GABRG3: variants seen among roughly 807,000 people sequenced by gnomAD.
GABRG3 encodes the protein gamma-aminobutyric acid receptor subunit gamma-3.
A neutral mutation model predicts 48.8 loss-of-function variants in GABRG3; 25 were observed. The ratio of observed to expected loss-of-function variants is 0.51; its 90% CI spans 0.37 to 0.72. GABRG3 has a LOEUF of 0.72. Among genes scored for constraint, GABRG3 ranks in the 30% least tolerant of loss-of-function variants. The pLI, the probability that GABRG3 is intolerant of heterozygous loss-of-function variation, is 0.00. For synonymous variants in GABRG3, 227 were observed against 217.6 expected (o/e 1.04, Z -0.38); for missense variants, 394 against 577.9 (o/e 0.68, Z 3.26).
At chr15:27,476,035 G>A (rs890297365) in intron 5 of GABRG3, among the ~76,000 whole-genome samples, 2 of 152,132 alleles carry the variant, frequency 1.3e-5, no homozygotes, top group South Asian at 2.1e-4. Flanking sequence ...AAGGAGACCC[G>A]GCTCAAAAGA....
intron 3 of GABRG3, among the ~76,000 whole-genome samples, chr15:27,279,895 CT>C (rs1891378294): frequency 6.6e-6 from 1 of 152,030 alleles, no homozygotes; most frequent in Non-Finnish European, 1.5e-5. Context: ...AAAAGGATGT[CT>C]TTCTGTTTAT....
chr15:27,125,178 G>GT (rs1452497783), intron 3 of GABRG3, among the ~76,000 whole-genome samples: 1 of 152,140 alleles, frequency 6.6e-6, no homozygotes, highest in Non-Finnish European at 1.5e-5. Context: ...ATGTATCGCT[G>GT]TTTTTTATAG....
At chr15:27,048,619 A>G (rs1442008275) in intron 3 of GABRG3, among the ~76,000 whole-genome samples, 1 of 152,220 alleles carries the variant, frequency 6.6e-6, no homozygotes, top group Non-Finnish European at 1.5e-5. Flanking sequence ...AGCTAATAGC[A>G]TCAAATCATA....
At chr15:26,989,691 C>A (rs191307295) in intron 2 of GABRG3, among the ~76,000 whole-genome samples, 6 of 151,958 alleles carry the variant, frequency 3.9e-5, no homozygotes, top group East Asian at 1.9e-4. Flanking sequence ...GACTATAGTT[C>A]CCCTCTTGTG....
At chr15:27,124,871 T>C (rs1348241929) in intron 3 of GABRG3, among the ~76,000 whole-genome samples, 1 of 152,196 alleles carries the variant, frequency 6.6e-6, no homozygotes, top group African/African-American at 2.4e-5. Context: ...ACCTTTTTCT[T>C]TTTCAGCAGT....
chr15:26,977,649 A>T (rs1894976894), intron 2 of GABRG3, among the ~76,000 whole-genome samples: 1 of 152,160 alleles, frequency 6.6e-6, no homozygotes, highest in Non-Finnish European at 1.5e-5. Context: ...TACATGTGTC[A>T]GTAGTTTGTT....
chr15:27,284,219 C>T (rs975003592), intron 3 of GABRG3, among the ~76,000 whole-genome samples: 1 of 152,150 alleles, frequency 6.6e-6, no homozygotes, highest in African/African-American at 2.4e-5. Context: ...TTTCTATTAA[C>T]AACTGGGGCT....
Position 27,081,166 on chromosome 15 carries a change from G to C in GABRG3, c.270+54345G>C, listed in dbSNP as rs1433921396. 3.3e-5 allele frequency among the ~76,000 whole-genome samples: 5 copies of C among 152,228 alleles called. No individual in the cohort carries two copies. The East Asian group carries it at 9.7e-4, about 29-fold the overall frequency. On this transcript the variant is annotated intron_variant, in intron 3 of 9. Transcript: ENST00000615808. ...CTGTTGCTTTAAGCCAGTGAGTGTT[G>C]GTTATAGTAAAAGCTAACAGGTATA...
chr15:27,089,434 T>C (rs546709328), intron 3 of GABRG3, among the ~76,000 whole-genome samples: 124 of 152,192 alleles, frequency 8.1e-4, no homozygotes, highest in African/African-American at 2.8e-3. Context: ...GTCTAGTCTC[T>C]AGGGCAGGCT....
At chr15:27,144,387 T>C (rs1438971277) in intron 3 of GABRG3, among the ~76,000 whole-genome samples, 1 of 152,162 alleles carries the variant, frequency 6.6e-6, no homozygotes, top group Admixed American at 6.6e-5. Flanking sequence ...TAGAGTATTG[T>C]CATTATTCAA....
chr15:27,356,620 A>G (rs1195382093), intron 5 of GABRG3, among the ~76,000 whole-genome samples: 1 of 152,230 alleles, frequency 6.6e-6, no homozygotes, highest in Non-Finnish European at 1.5e-5. Context: ...AAGTCTAAGA[A>G]GGAAAATAAA....
At chr15:27,493,409 G>C (rs74006968) in intron 6 of GABRG3, among the ~76,000 whole-genome samples, 4,797 of 152,098 alleles carry the variant, frequency 0.032, 255 homozygotes, top group African/African-American at 0.11. Flanking sequence ...TTCACACAGA[G>C]AGATTCATAG....
intron 3 of GABRG3, among the ~76,000 whole-genome samples, chr15:27,098,725 A>C (rs149551736): frequency 6.6e-6 from 1 of 152,144 alleles, no homozygotes; most frequent in Non-Finnish European, 1.5e-5. Context: ...TGCAGAATTC[A>C]TATGTGGCAA....
chr15:27,119,501 G>A (rs1897696417), intron 3 of GABRG3, among the ~76,000 whole-genome samples: 1 of 152,178 alleles, frequency 6.6e-6, no homozygotes, highest in South Asian at 2.1e-4. Flanking sequence ...GTGTAACAGG[G>A]GAGCACAGTG....
At chr15:26,985,878 A>C (rs908024723) in intron 2 of GABRG3, among the ~76,000 whole-genome samples, 1 of 152,220 alleles carries the variant, frequency 6.6e-6, no homozygotes, top group African/African-American at 2.4e-5. Flanking sequence ...TAGGAGACAC[A>C]ATGTTTTAAT....
intron 6 of GABRG3, among the ~76,000 whole-genome samples, chr15:27,482,446 A>G (rs1890122724): frequency 1.3e-5 from 2 of 150,004 alleles, no homozygotes; most frequent in Admixed American, 1.3e-4. Context: ...TTTAATGAAT[A>G]TTCATGAAAC....
intron 3 of GABRG3, among the ~76,000 whole-genome samples, chr15:27,292,457 C>T (rs1416647281): frequency 1.3e-5 from 2 of 151,964 alleles, no homozygotes; most frequent in Admixed American, 6.6e-5. Context: ...AAATCCTTCC[C>T]CTAATTCAGA....
intron 3 of GABRG3, among the ~76,000 whole-genome samples, chr15:27,272,072 C>T (rs1268126314): frequency 6.6e-6 from 1 of 152,226 alleles, no homozygotes; most frequent in Non-Finnish European, 1.5e-5. Context: ...CAGCTGCTGG[C>T]ATGGGCCAGA....
At chr15:27,148,132 C>G (rs1898243392) in intron 3 of GABRG3, among the ~76,000 whole-genome samples, 1 of 151,804 alleles carries the variant, frequency 6.6e-6, no homozygotes, top group Non-Finnish European at 1.5e-5. Flanking sequence ...GGAGACACTA[C>G]TACTGACTTC....
Sources: allele counts gnomAD v4.1 joint callset (sites outside exome capture counted in the v4.1 genomes callset), GRCh38; gene constraint gnomAD v4.1.1; transcripts MANE v1.5; gene names NCBI Gene and HGNC (gene_info 2026-07-23, HGNC 2026-07-21).